The following SMAD3 variants were observed in gnomAD, a reference collection of about 807,000 sequenced individuals.
SMAD3 encodes MAD homolog 3.
Under a neutral mutation model 51.8 loss-of-function variants are expected in SMAD3, and 12 were observed. The observed-to-expected ratio is 0.23, with a 90% CI of 0.15 to 0.38. SMAD3 has a LOEUF of 0.38. Among genes scored for constraint, SMAD3 ranks in the 10% least tolerant of loss-of-function variants. The pLI, the probability that SMAD3 is intolerant of heterozygous loss-of-function variation, is 1.00. For missense variants in SMAD3, 294 were observed against 565.6 expected, an observed-to-expected ratio of 0.52 and a Z score of 4.87; for synonymous variants, 238 against 227.7, an observed-to-expected ratio of 1.05 and a Z score of -0.41.
intron 1 of SMAD3, among the ~76,000 whole-genome samples, chr15:67,106,902 C>T (rs1317779704): frequency 1.3e-5 from 2 of 152,204 alleles, no homozygotes; most frequent in Non-Finnish European, 2.9e-5. Context: ...TTTATTACCC[C>T]AGGGGACCCA....
chr15:67,107,461 A>ATGCCCTCC lies in SMAD3; in HGVS notation c.206+41120_206+41127dup, dbSNP rs367986958. Among the ~76,000 whole-genome samples the ATGCCCTCC allele has an allele frequency of 7.4e-3, 1,129 of 152,190 alleles. 15 individuals carry two copies. Among genetic ancestry groups the ATGCCCTCC allele is most frequent in the African/African-American group, 0.026 (1,080 of 41,516 alleles). ...CAGACAAGGGGAGAGCCTTGTTGCC[A>ATGCCCTCC]TGCCCTCCTGCCCTCCTGCCCTCCT... On this transcript the variant is annotated intron_variant, in intron 1 of 8. Coordinates refer to ENST00000327367, the MANE Select transcript of SMAD3 (RefSeq NM_005902.4).
intron 4 of SMAD3, among the ~76,000 whole-genome samples, chr15:67,169,273 C>T (rs1962678077): frequency 6.6e-6 from 1 of 151,986 alleles, no homozygotes; most frequent in African/African-American, 2.4e-5. Context: ...ATTCCACATC[C>T]CCCTTTGCAT....
intron 1 of SMAD3, among the ~76,000 whole-genome samples, chr15:67,096,050 A>T (rs188354387): frequency 6.6e-6 from 1 of 152,274 alleles, no homozygotes; most frequent in Admixed American, 6.5e-5. Context: ...AGGGGCCCTG[A>T]CAGTCCTGAT....
intron 1 of SMAD3, among the ~76,000 whole-genome samples, chr15:67,105,886 TCTGCATTCATTCCCCGGCCCTCC>T (rs1226200123): frequency 6.6e-6 from 1 of 152,174 alleles, no homozygotes; most frequent in African/African-American, 2.4e-5. Flanking sequence ...GAAGGCTTCA[TCTGCATTCATTCCCCGGCCCTCC>T]CTGCCGTCTG....
chr15:67,149,434 T>C (rs1962067484), intron 1 of SMAD3, among the ~76,000 whole-genome samples: 1 of 152,172 alleles, frequency 6.6e-6, no homozygotes, highest in Non-Finnish European at 1.5e-5. Context: ...AACCCTTTGC[T>C]TGTTCCTGAT....
At chr15:67,169,181 G>T (rs544884430) in intron 4 of SMAD3, among the ~76,000 whole-genome samples, 1 of 151,754 alleles carries the variant, frequency 6.6e-6, no homozygotes, top group Non-Finnish European at 1.5e-5. Flanking sequence ...GAAGTTAAAC[G>T]GCTTAGCCAA....
intron 1 of SMAD3, among the ~76,000 whole-genome samples, chr15:67,147,630 C>T (rs1256924650): frequency 6.6e-6 from 1 of 152,142 alleles, no homozygotes; most frequent in Non-Finnish European, 1.5e-5. Flanking sequence ...CATTTGCACA[C>T]CACCCTTCCA....
intron 1 of SMAD3, among the ~76,000 whole-genome samples, chr15:67,114,958 T>C (rs1961103273): frequency 6.6e-6 from 1 of 152,194 alleles, no homozygotes; most frequent in Non-Finnish European, 1.5e-5. Context: ...ACACCTCCTG[T>C]CTCAAATATT....
rs186909254 is a variant in SMAD3 at position 67,107,718 on chromosome 15, C to A, written c.206+41358C>A. ...CCTGCCCCATACTGTTGCCCTCACC[C>A]ACCCCAAAGCCTCACCCTTCCCTTC... On this transcript the variant is annotated intron_variant, in intron 1 of 8. Transcript: ENST00000327367. 9.2e-5 allele frequency among the ~76,000 whole-genome samples: 14 copies of A among 152,346 alleles called. No individual in the cohort carries two copies. In the East Asian group the frequency reaches 2.7e-3, roughly 29 times the overall value.
At position 67,173,412 on chromosome 15, in the gene SMAD3, C is replaced by G. The variant is rs578170983; in HGVS notation, c.658+2808C>G. On this transcript the variant is annotated intron_variant, in intron 5 of 8. Transcript: ENST00000327367. ...TGGGAGAGGTTGTGCCATGTGTGAG[C>G]GGGCCCTTGAAGGACAGATGGGACC... is the stretch of plus-strand genomic sequence containing the variant. Among the ~76,000 whole-genome samples the G allele has an allele frequency of 2.6e-5, 4 of 152,066 alleles. No individual in the cohort carries two copies. In the East Asian group the frequency reaches 7.8e-4, roughly 29 times the overall value.
Position 67,124,207 on chromosome 15 carries a change from T to G in SMAD3, c.207-40688T>G, listed in dbSNP as rs910278514. On this transcript the variant is annotated intron_variant, in intron 1 of 8. Coordinates refer to ENST00000327367, the MANE Select transcript of SMAD3 (RefSeq NM_005902.4). ...TCTTGCTATCATGGGCAGGCTGGTC[T>G]TGAACTCCTGGCCTCAAGTGATCCT... Among the ~76,000 whole-genome samples the G allele has an allele frequency of 2.6e-5, 4 of 152,332 alleles. No homozygotes were observed. The South Asian group carries it at 8.3e-4, about 32-fold the overall frequency.
At chr15:67,109,763 C>A (rs946104304) in intron 1 of SMAD3, among the ~76,000 whole-genome samples, 1 of 152,182 alleles carries the variant, frequency 6.6e-6, no homozygotes, top group Admixed American at 6.5e-5. Flanking sequence ...CCTGCAGTTG[C>A]GACACCCGCG....
chr15:67,126,021 T>A, intron 1 of SMAD3: 1 of 975,422 alleles, frequency 1.0e-6, no homozygotes, highest in Non-Finnish European at 1.2e-6. Flanking sequence ...GGGTTAGGTG[T>A]GGGGTATTTG....
chr15:67,165,578 C>T (rs545781631), intron 3 of SMAD3, among the ~76,000 whole-genome samples, 194 bp downstream of exon 3: 1 of 152,394 alleles, frequency 6.6e-6, no homozygotes, highest in African/African-American at 2.4e-5. Flanking sequence ...CAGCTCCCCC[C>T]TCACTAGTGA....
chr15:67,193,437 T>C lies in SMAD3; in HGVS notation c.*2901T>C, dbSNP rs1336482850. 8.6e-6 allele frequency: 2 copies of C among 233,736 alleles called. No individual in the cohort carries two copies. Among genetic ancestry groups the C allele is most frequent in the Non-Finnish European group, 1.7e-5 (2 of 118,092 alleles). 14.5% of individuals were successfully genotyped at this position (233,736 alleles called of 1,614,324 possible). On this transcript the variant is annotated 3_prime_UTR_variant, in exon 9 of 9. Transcript: ENST00000327367. ...CTTTTATTCCCTTTCCTCTCTCCCC[T>C]CCCCACCTCGCTTCTTCCCAATTTA...
At chr15:67,160,770 C>CAAAAAAAAAAAAAAAAAAAA (rs547354315) in intron 1 of SMAD3, among the ~76,000 whole-genome samples, 4 of 61,038 alleles carry the variant, frequency 6.6e-5, no homozygotes, top group African/African-American at 1.5e-4. Flanking sequence ...GACTCCATCT[C>CAAAAAAAAAAAAAAAAAAAA]AAAAAAAAAA....
At chr15:67,117,928 C>G (rs1961171920) in intron 1 of SMAD3, among the ~76,000 whole-genome samples, 1 of 152,066 alleles carries the variant, frequency 6.6e-6, no homozygotes, top group Non-Finnish European at 1.5e-5. Context: ...CCCGTCTCTG[C>G]CCAAAATACA....
chr15:67,119,445 C>G (rs1044541158), intron 1 of SMAD3, among the ~76,000 whole-genome samples: 1 of 151,976 alleles, frequency 6.6e-6, no homozygotes, highest in Non-Finnish European at 1.5e-5. Context: ...TGTGCTGGGG[C>G]CATGGCGGGG....
At chr15:67,095,097 G>C (rs993432435) in intron 1 of SMAD3, among the ~76,000 whole-genome samples, 1 of 152,102 alleles carries the variant, frequency 6.6e-6, no homozygotes, top group African/African-American at 2.4e-5. Flanking sequence ...GTAAATGGTT[G>C]GTTGGTCCCT....
Sources: allele counts gnomAD v4.1 joint callset (sites outside exome capture counted in the v4.1 genomes callset), GRCh38; gene constraint gnomAD v4.1.1; transcripts MANE v1.5; gene names NCBI Gene and HGNC (gene_info 2026-07-23, HGNC 2026-07-21).